The following AMACR variants were observed in gnomAD, a reference collection of about 807,000 sequenced individuals.
The protein encoded by AMACR is alpha-methylacyl-CoA racemase, also known as 2-methylacyl-CoA racemase.
In AMACR, 18 loss-of-function variants were observed where a neutral mutation model predicts 22.2. The observed-to-expected ratio is 0.81, with a 90% CI of 0.56 to 1.20. The LOEUF (loss-of-function observed/expected upper bound fraction) is 1.20. Ranked by LOEUF, AMACR falls within the 50% of genes most tolerant of loss-of-function variation. The pLI is 0.00. For missense variants in AMACR, 499 were observed against 490.6 expected, an observed-to-expected ratio of 1.02 and a Z score of -0.16; for synonymous variants, 213 against 191.3, an observed-to-expected ratio of 1.11 and a Z score of -0.94.
intron 3 of AMACR, among the ~76,000 whole-genome samples, chr5:33,999,834 A>G (rs1373189205): frequency 6.6e-6 from 1 of 152,204 alleles, no homozygotes; most frequent in Non-Finnish European, 1.5e-5. Flanking sequence ...ATTGTCACCA[A>G]ATAGCTGAGT....
At chr5:34,000,857 T>C (rs886997320) in intron 3 of AMACR, among the ~76,000 whole-genome samples, 2 of 152,244 alleles carry the variant, frequency 1.3e-5, no homozygotes, top group African/African-American at 4.8e-5. Context: ...AAATATTGAA[T>C]ATGTAAACAT....
intron 3 of AMACR, among the ~76,000 whole-genome samples, chr5:34,001,383 T>C (rs1191229358): frequency 6.6e-6 from 1 of 152,170 alleles, no homozygotes. Context: ...AACAGCCGGA[T>C]TGGTTACAAG....
chr5:33,997,006 TAA>T, intron 4 of AMACR: 1 of 627,934 alleles, frequency 1.6e-6, no homozygotes, highest in African/African-American at 1.8e-5. Flanking sequence ...TATTTTTTTT[TAA>T]TTTTACACGT....
intron 4 of AMACR, among the ~76,000 whole-genome samples, chr5:33,996,126 T>G (rs1260201492): frequency 6.6e-6 from 1 of 152,040 alleles, no homozygotes; most frequent in African/African-American, 2.4e-5. Flanking sequence ...TCTTTCTGAC[T>G]CAGAGCTCAC....
rs1377776876 is a variant in AMACR, at chr5:33,989,032, T to C, written c.*61A>G. ...CTCCATGTTTCCATGCATACAATGT[T>C]ATGTGTTACTCTACACTGTAAATGC... On this transcript the variant is annotated 3_prime_UTR_variant, in exon 5 of 5. Transcript: ENST00000335606. 4.3e-6 allele frequency: 7 copies of C among 1,609,838 alleles called. No individual in the cohort carries two copies. Among genetic ancestry groups the C allele is most frequent in the South Asian group, 1.1e-5 (1 of 89,880 alleles).
At position 33,989,049 on chromosome 5, in the gene AMACR, T is replaced by C. The variant is rs777252887; in HGVS notation, c.*44A>G. 12 of 1,613,018 alleles carry C rather than the reference T, an allele frequency of 7.4e-6. No homozygotes were observed. The South Asian group carries it at 9.9e-5, about 13-fold the overall frequency. ...TACAATGTTATGTGTTACTCTACAC[T>C]GTAAATGCAGTATTCAAATTCACTT... On this transcript the variant is annotated 3_prime_UTR_variant, in exon 5 of 5. Transcript: ENST00000335606.
chr5:33,991,508 T>A (rs1172258452), intron 4 of AMACR, among the ~76,000 whole-genome samples: 1 of 152,120 alleles, frequency 6.6e-6, no homozygotes, highest in Non-Finnish European at 1.5e-5. Context: ...GGAACTAGCC[T>A]GGGGACTCAG....
rs1192420459 is a variant in AMACR at position 34,008,007 on chromosome 5, C to T, written c.13G>A (p.Gly5Ser). MALQ[G>S]ISVVELSGLA... The stretch of plus-strand genomic sequence containing the variant: ...CCGGACAGCTCCACGACCGAGATGC[C>T]CTGCAGTGCCATGGCGCTTCCCAGT... Residue 5 changes from glycine to serine, a missense_variant, in exon 1 of 5, where the codon GGC becomes AGC. Coordinates refer to ENST00000335606, the MANE Select transcript of AMACR (RefSeq NM_014324.6). The T allele has an allele frequency of 2.5e-6, 4 of 1,610,924 alleles. No homozygotes were observed. The African/African-American group carries it at 4.0e-5, about 16-fold the overall frequency.
At position 34,005,857 on chromosome 5, in the gene AMACR, C is replaced by G. The variant is rs139273474; in HGVS notation, c.290G>C (p.Arg97Pro). Residue 97 changes from arginine to proline, a missense_variant, in exon 2 of 5, where the codon CGG becomes CCG. Arg to Pro is a moderately radical substitution (Grantham distance 103). Transcript: ENST00000335606. ...KLQLGPEILQ[R>P]ENPRLIYARL... ...GGCATAAATAAGCCTTGGATTTTCC[C>G]GCTGCAGAATCTCTGGGCCCAGCTG... The G allele has an allele frequency of 3.1e-4, 503 of 1,614,014 alleles. No homozygotes were observed. Among genetic ancestry groups the G allele is most frequent in the Non-Finnish European group, 3.8e-4 (452 of 1,180,040 alleles).
chr5:33,998,903 T>TA (rs200588721), intron 3 of AMACR, 76 bp from the exon 4 acceptor site: 41 of 1,449,612 alleles, frequency 2.8e-5, no homozygotes, highest in Non-Finnish European at 3.5e-5. Context: ...CCATTCAAGT[T>TA]AAAAAAAATT....
chr5:33,997,217 T>G (rs1753666445), intron 4 of AMACR: 1 of 765,200 alleles, frequency 1.3e-6, no homozygotes. Flanking sequence ...TCACCAGCAT[T>G]AGCGACTAAT....
intron 4 of AMACR, chr5:33,993,904 T>C (rs1333631585): frequency 1.4e-5 from 5 of 352,142 alleles, no homozygotes; most frequent in African/African-American, 1.1e-4. Context: ...CTTTTGAAAA[T>C]TATCTACTGA....
At chr5:34,005,660 T>G in intron 2 of AMACR, 96 bp downstream of exon 2, 1 of 1,463,594 alleles carries the variant, frequency 6.8e-7, no homozygotes, top group Non-Finnish European at 9.3e-7. Context: ...TGATAAATGT[T>G]TAAATTTTTA....
In AMACR at chr5:33,988,351, T is replaced by C. The variant is rs1197829154; in HGVS notation, c.*742A>G. The C allele has an allele frequency of 6.5e-6, 10 of 1,541,150 alleles. No individual in the cohort carries two copies. In the South Asian group the frequency reaches 8.3e-5, roughly 13 times the overall value. On this transcript the variant is annotated 3_prime_UTR_variant, in exon 5 of 5. Transcript: ENST00000335606. ...GTGTGTTGGGTATAAGATCCAGAACTTGCTACCAGCCTGAGGAGAAATCAA... is the reference window on the plus strand; with the variant it reads ...GTGTGTTGGGTATAAGATCCAGAACCTGCTACCAGCCTGAGGAGAAATCAA...
At position 33,988,054 on chromosome 5, in the gene AMACR, G is replaced by A. The variant is rs939623131; in HGVS notation, c.*1039C>T. ...TGAACGGCAGTTGAGATACTGCGCA[G>A]AATGGACCTTATTGATGGCCTACCC... On this transcript the variant is annotated 3_prime_UTR_variant, in exon 5 of 5. Coordinates refer to ENST00000335606, the MANE Select transcript of AMACR (RefSeq NM_014324.6). 2.8e-6 allele frequency: 1 copy of A among 353,774 alleles called. No homozygotes were observed. Among genetic ancestry groups the A allele is most frequent in the African/African-American group, 2.1e-5 (1 of 48,516 alleles). 21.9% of individuals were successfully genotyped at this position (353,774 alleles called of 1,614,324 possible). A position where few individuals can be genotyped will look rare whatever the true frequency, so the allele number is the denominator to read the frequency against.
intron 4 of AMACR, chr5:33,997,360 A>T (rs1753673539): frequency 2.6e-6 from 2 of 775,864 alleles, no homozygotes; most frequent in Non-Finnish European, 4.8e-6. Context: ...GAAAACATCC[A>T]ACTCAAAATG....
rs75976713 is a variant in AMACR, at chr5:34,001,379, C to T, written c.553-2552G>A. The stretch of plus-strand genomic sequence containing the variant: ...AACAGAAGTGAGGTACAGAAACAGC[C>T]GGATTGGTTACAAGTGGGCCTTTGC... On this transcript the variant is annotated intron_variant, in intron 3 of 4. Transcript: ENST00000335606. Among the ~76,000 whole-genome samples, 729 of 152,264 alleles carry T rather than the reference C, an allele frequency of 4.8e-3. 30 individuals are homozygous for T. In the East Asian group the frequency reaches 0.067, roughly 14 times the overall value.
At position 33,988,670 on chromosome 5, in the gene AMACR, G is replaced by A. The variant is rs546903502; in HGVS notation, c.*423C>T. The A allele has an allele frequency of 3.1e-5, 38 of 1,229,738 alleles. No homozygotes were observed. In the African/African-American group the frequency reaches 5.7e-4, roughly 18 times the overall value. 76.2% of individuals were successfully genotyped at this position (1,229,738 alleles called of 1,614,324 possible). A position where few individuals can be genotyped will look rare whatever the true frequency, so the allele number is the denominator to read the frequency against. On this transcript the variant is annotated 3_prime_UTR_variant, in exon 5 of 5. Transcript: ENST00000335606. ...AGGCCTGGATGCAACCAATCACTCT[G>A]TTTCACGTGACTTTTATCACCATAC...
intron 3 of AMACR, among the ~76,000 whole-genome samples, chr5:34,003,560 C>T (rs988173682): frequency 2.0e-5 from 3 of 152,178 alleles, no homozygotes; most frequent in South Asian, 2.1e-4. Flanking sequence ...AGAGCTGGGA[C>T]GGAGGTAGTC....
Sources: gnomAD v4.1 joint callset for allele counts (sites outside exome capture counted in the v4.1 genomes callset) on GRCh38, gnomAD v4.1.1 for gene constraint, MANE v1.5 for transcripts, NCBI Gene and HGNC (gene_info 2026-07-23, HGNC 2026-07-21) for gene names.